The following DCLK1 variants were observed in gnomAD, a reference collection of about 807,000 sequenced individuals.
The protein encoded by DCLK1 is serine/threonine-protein kinase DCLK1.
DCLK1 carries 16 observed loss-of-function variants against 86.2 expected under a neutral mutation model. That is an observed-to-expected ratio of 0.19 (90% CI 0.13 to 0.28). The LOEUF (loss-of-function observed/expected upper bound fraction) is 0.28. Ranked by LOEUF, DCLK1 falls within the 10% of genes least tolerant of loss-of-function variation. The pLI, the probability that DCLK1 is intolerant of heterozygous loss-of-function variation, is 1.00. For synonymous variants in DCLK1, 369 were observed against 370.5 expected (o/e 1.00, Z 0.05); for missense variants, 590 against 940.2 (o/e 0.63, Z 4.87).
intron 4 of DCLK1, among the ~76,000 whole-genome samples, chr13:35,896,569 T>A (rs1874003987): frequency 7.4e-6 from 1 of 134,464 alleles, no homozygotes; most frequent in Non-Finnish European, 1.6e-5. Context: ...AGTTAAAATA[T>A]GCTGTTAGAA....
At chr13:35,911,221 G>A (rs578046869) in intron 4 of DCLK1, among the ~76,000 whole-genome samples, 32 of 151,698 alleles carry the variant, frequency 2.1e-4, no homozygotes, top group Middle Eastern at 3.5e-3. Context: ...GTGAACCCCG[G>A]AGGCAGAGCT....
chr13:35,787,903 T>C (rs894659557), intron 16 of DCLK1: 1 of 366,924 alleles, frequency 2.7e-6, no homozygotes. Flanking sequence ...GAAATCATTG[T>C]TTTAATTAGC....
At chr13:35,975,487 C>T (rs1879287451) in intron 3 of DCLK1, among the ~76,000 whole-genome samples, 2 of 152,118 alleles carry the variant, frequency 1.3e-5, no homozygotes, top group South Asian at 4.1e-4. Flanking sequence ...ACACAGCCCA[C>T]GAAGGACGCT....
At chr13:35,930,272 A>C (rs1485731884) in intron 4 of DCLK1, among the ~76,000 whole-genome samples, 1 of 152,234 alleles carries the variant, frequency 6.6e-6, no homozygotes, top group Non-Finnish European at 1.5e-5. Context: ...TGGTGTGGGA[A>C]AACAAATGGG....
chr13:36,040,378 G>T (rs1882659917), intron 3 of DCLK1, among the ~76,000 whole-genome samples: 1 of 131,482 alleles, frequency 7.6e-6, no homozygotes, highest in South Asian at 2.6e-4. Flanking sequence ...GGAATACCCT[G>T]CAAATCTCTG....
intron 3 of DCLK1, among the ~76,000 whole-genome samples, chr13:36,031,694 G>A (rs765428094): frequency 7.9e-5 from 12 of 152,164 alleles, no homozygotes; most frequent in Non-Finnish European, 1.3e-4. Context: ...TGACTTCCTG[G>A]GAGGCTGCTG....
chr13:35,806,145 A>C (rs998033516), intron 14 of DCLK1, among the ~76,000 whole-genome samples: 1 of 152,146 alleles, frequency 6.6e-6, no homozygotes. Flanking sequence ...AGTCACATTT[A>C]AAAAAACACT....
intron 4 of DCLK1, among the ~76,000 whole-genome samples, chr13:35,881,269 A>G (rs1210580254): frequency 6.6e-6 from 1 of 152,208 alleles, no homozygotes; most frequent in African/African-American, 2.4e-5. Flanking sequence ...TTAATAAGTG[A>G]CAGCATCCCT....
intron 3 of DCLK1, among the ~76,000 whole-genome samples, chr13:36,097,433 G>A (rs1054897770): frequency 6.6e-6 from 1 of 152,014 alleles, no homozygotes; most frequent in Non-Finnish European, 1.5e-5. Flanking sequence ...TTTAAATTTT[G>A]CGATATTCAC....
intron 3 of DCLK1, among the ~76,000 whole-genome samples, chr13:36,104,205 C>G (rs1045907459): frequency 3.9e-5 from 6 of 152,112 alleles, no homozygotes. Flanking sequence ...TCCTATATGG[C>G]CATGACCCGT....
chr13:35,810,552 T>G (rs1002072887), intron 12 of DCLK1, among the ~76,000 whole-genome samples: 2 of 152,186 alleles, frequency 1.3e-5, no homozygotes, highest in Non-Finnish European at 1.5e-5. Context: ...GTGTTTCTGT[T>G]AGTCTGAACA....
chr13:35,871,391 C>A, intron 4 of DCLK1, 51 bp from the exon 5 acceptor site: 1 of 1,410,888 alleles, frequency 7.1e-7, no homozygotes, highest in Non-Finnish European at 1.0e-6. Context: ...GGCACACACA[C>A]ACCAACTCAA....
At chr13:35,983,776 T>G (rs975012703) in intron 3 of DCLK1, among the ~76,000 whole-genome samples, 1 of 152,218 alleles carries the variant, frequency 6.6e-6, no homozygotes, top group Non-Finnish European at 1.5e-5. Flanking sequence ...AAGTTTTTTC[T>G]TGGCATAAAA....
chr13:35,770,021 G>T lies in DCLK1; in HGVS notation c.*4514C>A, dbSNP rs1464559786. On this transcript the variant is annotated 3_prime_UTR_variant, in exon 17 of 17. Transcript: ENST00000360631. ...ACAAAAACCCCCACTCTAACCAGAG[G>T]CATTTAAGCCTCTCCACTGAAGTTC... The T allele has an allele frequency of 6.6e-6, 1 of 152,132 alleles. No homozygotes were observed. Among genetic ancestry groups the T allele is most frequent in the African/African-American group, 2.4e-5 (1 of 41,436 alleles). The allele number at this position is 152,132 out of a possible 1,614,324, so 9.4% of individuals were successfully genotyped here.
intron 16 of DCLK1, among the ~76,000 whole-genome samples, chr13:35,778,834 G>A (rs2086472129): frequency 1.3e-5 from 2 of 152,102 alleles, no homozygotes; most frequent in African/African-American, 4.8e-5. Context: ...CTATGTAAAA[G>A]AATACATTTC....
intron 11 of DCLK1, among the ~76,000 whole-genome samples, chr13:35,820,166 T>TAAA (rs2087360643): frequency 6.6e-6 from 1 of 152,226 alleles, no homozygotes; most frequent in Admixed American, 6.5e-5. Flanking sequence ...CAGGACAGAA[T>TAAA]AAGTTGTGTT....
In DCLK1 at chr13:36,126,219, T is replaced by TTG. The variant is rs1566023066; in HGVS notation, c.-19-64_-19-63insCA. 14 of 1,237,902 alleles carry TTG rather than the reference T, an allele frequency of 1.1e-5. 1 individual carries two copies. In the African/African-American group the frequency reaches 1.9e-4, roughly 17 times the overall value. The allele number at this position is 1,237,902 out of a possible 1,614,324, so 76.7% of individuals were successfully genotyped here. ...ATGTAGGTTATATATATATATATAT[T>TTG]TTTTTGTTTTTGTTTTTTTTATGTT... On this transcript the variant is annotated intron_variant, in intron 1 of 16. Coordinates refer to ENST00000360631, the MANE Select transcript of DCLK1 (RefSeq NM_001330071.2).
At chr13:35,805,862 G>A in intron 14 of DCLK1, 83 bp from the exon 15 acceptor site, 3 of 1,242,044 alleles carry the variant, frequency 2.4e-6, no homozygotes, top group South Asian at 3.0e-5. Flanking sequence ...TTCTCTTTTA[G>A]TTTCGAAAAG....
At chr13:35,860,658 C>A (rs1314391972) in intron 5 of DCLK1, among the ~76,000 whole-genome samples, 1 of 152,194 alleles carries the variant, frequency 6.6e-6, no homozygotes, top group Non-Finnish European at 1.5e-5. Context: ...TTTCTCAATT[C>A]ATTCATGTGG....
Sources: allele counts gnomAD v4.1 joint callset (sites outside exome capture counted in the v4.1 genomes callset), GRCh38; gene constraint gnomAD v4.1.1; transcripts MANE v1.5; gene names NCBI Gene and HGNC (gene_info 2026-07-23, HGNC 2026-07-21).